NR1H4: variants seen among roughly 807,000 people sequenced by gnomAD.
NR1H4 encodes nuclear receptor subfamily 1 group H member 4.
A neutral mutation model predicts 58.5 loss-of-function variants in NR1H4; 23 were observed. The observed-to-expected ratio is 0.39, with a 90% confidence interval of 0.28 to 0.56. The LOEUF (loss-of-function observed/expected upper bound fraction) is 0.56, where lower values mean the gene tolerates loss of function less well. NR1H4 is among the 20% of genes least tolerant of loss of function. NR1H4 has a pLI of 0.58. For synonymous variants in NR1H4, 214 were observed against 198.0 expected (o/e 1.08, Z -0.68); for missense variants, 487 against 576.9 (o/e 0.84, Z 1.60).
chr12:100,501,782 C>G (rs983977984), intron 3 of NR1H4, among the ~76,000 whole-genome samples: 9 of 152,130 alleles, frequency 5.9e-5, no homozygotes, highest in African/African-American at 1.9e-4. Flanking sequence ...CTAAATAGGG[C>G]ATGAATTATT....
rs534308182 is a variant in NR1H4 at position 100,532,832 on chromosome 12, G to A, written c.598+222G>A. Among the ~76,000 whole-genome samples, 12 of 152,194 alleles carry A rather than the reference G, an allele frequency of 7.9e-5. No individual in the cohort carries two copies. In the East Asian group the frequency reaches 2.1e-3, roughly 27 times the overall value. ...GTTTTTTTTGTTGTTTTTCTTTGTCGCAGTGAACTATACATGGAGCCCAGT... is the reference window on the plus strand; with the variant it reads ...GTTTTTTTTGTTGTTTTTCTTTGTCACAGTGAACTATACATGGAGCCCAGT... On this transcript the variant is annotated intron_variant, in intron 5 of 10. Transcript: ENST00000392986.
intron 1 of NR1H4, among the ~76,000 whole-genome samples, chr12:100,487,595 C>CTT (rs34694873): frequency 0.012 from 1,369 of 115,924 alleles, 34 homozygotes; most frequent in African/African-American, 0.027. Context: ...TCTTCTTCTT[C>CTT]TTTTTTTTTT....
At chr12:100,508,611 G>T (rs1954028403) in intron 3 of NR1H4, among the ~76,000 whole-genome samples, 2 of 152,068 alleles carry the variant, frequency 1.3e-5, no homozygotes, top group Admixed American at 1.3e-4. Context: ...ATTTGTAAGT[G>T]GGGGTTAATA....
At chr12:100,497,848 T>A (rs1234819903) in intron 3 of NR1H4, among the ~76,000 whole-genome samples, 1 of 152,254 alleles carries the variant, frequency 6.6e-6, no homozygotes, top group African/African-American at 2.4e-5. Context: ...CTATATTTAC[T>A]TTTAGCAAAT....
intron 9 of NR1H4, among the ~76,000 whole-genome samples, chr12:100,561,263 T>A (rs1593143847): frequency 6.6e-6 from 1 of 152,154 alleles, no homozygotes; most frequent in East Asian, 1.9e-4. Context: ...CCGGGCGCGG[T>A]GGCGGGAGCC....
intron 2 of NR1H4, among the ~76,000 whole-genome samples, chr12:100,492,865 C>T (rs950348277): frequency 1.3e-4 from 20 of 152,166 alleles, no homozygotes; most frequent in Admixed American, 5.9e-4. Flanking sequence ...TTTATAAAAA[C>T]CTATTCAACT....
intron 9 of NR1H4, among the ~76,000 whole-genome samples, chr12:100,550,373 A>G (rs1565780682): frequency 6.6e-6 from 1 of 151,740 alleles, no homozygotes; most frequent in East Asian, 1.9e-4. Context: ...TTTTGTTTTG[A>G]TTTTTTTTGA....
intron 4 of NR1H4, among the ~76,000 whole-genome samples, chr12:100,518,800 T>A (rs1954334181): frequency 6.7e-6 from 1 of 148,970 alleles, no homozygotes; most frequent in Non-Finnish European, 1.5e-5. Context: ...TTTTTTTTTT[T>A]TTTTTTTTTT....
intron 9 of NR1H4, among the ~76,000 whole-genome samples, chr12:100,560,817 C>T (rs1243365136): frequency 6.6e-6 from 1 of 152,072 alleles, no homozygotes; most frequent in African/African-American, 2.4e-5. Context: ...AAGTAAATGC[C>T]AGGTGCAATA....
intron 3 of NR1H4, among the ~76,000 whole-genome samples, chr12:100,507,434 TTTTG>T (rs1340302084): frequency 3.3e-5 from 5 of 151,966 alleles, no homozygotes; most frequent in Non-Finnish European, 7.4e-5. Context: ...ATACTCGTTT[TTTTG>T]TTTGTTTATT....
chr12:100,555,654 A>G (rs902343733), intron 9 of NR1H4, among the ~76,000 whole-genome samples: 13 of 152,180 alleles, frequency 8.5e-5, no homozygotes, highest in Admixed American at 8.5e-4. Flanking sequence ...TGTGCTAAGC[A>G]CTCTCTATAT....
At chr12:100,500,015 C>T in intron 3 of NR1H4, 1 of 455,450 alleles carries the variant, frequency 2.2e-6, no homozygotes, top group Non-Finnish European at 4.4e-6. Flanking sequence ...TCTCACAACA[C>T]ACCTATAAGG....
At chr12:100,545,640 T>TA in intron 9 of NR1H4, among the ~76,000 whole-genome samples, 1 of 28,226 alleles carries the variant, frequency 3.5e-5, no homozygotes, top group South Asian at 1.3e-3. Context: ...AGACCTTGTC[T>TA]CAAAAAAAAA....
rs192920490 is a variant in NR1H4, at chr12:100,520,092, G to C, written c.445+8949G>C. 2.5e-3 allele frequency among the ~76,000 whole-genome samples: 387 copies of C among 152,248 alleles called. 3 individuals are homozygous for C. Among genetic ancestry groups the C allele is most frequent in the African/African-American group, 8.7e-3 (363 of 41,560 alleles). On this transcript the variant is annotated intron_variant, in intron 4 of 10. Transcript: ENST00000392986. Reference sequence around the variant, plus strand: ...AGAGGACCAATGCCTCATGCCTGCAGGTCTTGTGAGAGCTGCTCAGCCAAC... The same window carrying C: ...AGAGGACCAATGCCTCATGCCTGCACGTCTTGTGAGAGCTGCTCAGCCAAC...
intron 9 of NR1H4, among the ~76,000 whole-genome samples, chr12:100,560,258 A>T (rs528627424): frequency 3.9e-5 from 6 of 152,318 alleles, no homozygotes; most frequent in Admixed American, 3.3e-4. Context: ...GCCAGATAAG[A>T]GAATAAAAGC....
chr12:100,529,052 A>C (rs1954629765), intron 4 of NR1H4, among the ~76,000 whole-genome samples: 1 of 152,106 alleles, frequency 6.6e-6, no homozygotes, highest in African/African-American at 2.4e-5. Flanking sequence ...TGGTATTTGC[A>C]CTCTCAATAT....
intron 6 of NR1H4, among the ~76,000 whole-genome samples, chr12:100,535,321 T>C (rs1954790656): frequency 6.6e-6 from 1 of 152,262 alleles, no homozygotes; most frequent in African/African-American, 2.4e-5. Flanking sequence ...TGAGTATTGA[T>C]GACCATTTTT....
chr12:100,484,414 G>A lies in NR1H4; in HGVS notation c.-189-8089G>A, dbSNP rs560660585. On this transcript the variant is annotated intron_variant, in intron 1 of 10. Coordinates refer to ENST00000392986, the MANE Select transcript of NR1H4 (RefSeq NM_001206979.2). ...AGTAAATATTGATAACCAGAAAGTGGGAGTCCAAGCTACCAGTAACTATGT... is the reference window on the plus strand; with the variant it reads ...AGTAAATATTGATAACCAGAAAGTGAGAGTCCAAGCTACCAGTAACTATGT... Among the ~76,000 whole-genome samples the A allele has an allele frequency of 5.9e-5, 9 of 152,184 alleles. No homozygotes were observed. The East Asian group carries it at 1.2e-3, about 20-fold the overall frequency.
intron 9 of NR1H4, among the ~76,000 whole-genome samples, chr12:100,558,945 G>A (rs1955398061): frequency 6.6e-6 from 1 of 152,070 alleles, no homozygotes; most frequent in African/African-American, 2.4e-5. Context: ...CTACCTCACG[G>A]GGTTTAGAAC....
Sources: gnomAD v4.1 joint callset for allele counts (sites outside exome capture counted in the v4.1 genomes callset) on GRCh38, gnomAD v4.1.1 for gene constraint, MANE v1.5 for transcripts, NCBI Gene and HGNC (gene_info 2026-07-23, HGNC 2026-07-21) for gene names.